CLASP1: variants seen among roughly 807,000 people sequenced by gnomAD.
The protein encoded by CLASP1 is CLIP-associating protein 1.
CLASP1 carries 38 observed loss-of-function variants against 192.3 expected under a neutral mutation model. The observed-to-expected ratio is 0.20, with a 90% CI of 0.15 to 0.26. The LOEUF is 0.26. CLASP1 is among the 10% of genes least tolerant of loss of function. The pLI, the probability that CLASP1 is intolerant of heterozygous loss-of-function variation, is 1.00. For synonymous variants in CLASP1, 691 were observed against 712.8 expected (o/e 0.97, Z 0.49); for missense variants, 1,433 against 1,932.5 (o/e 0.74, Z 4.85).
intron 1 of CLASP1, among the ~76,000 whole-genome samples, chr2:121,622,005 G>A (rs1313643781): frequency 1.3e-5 from 2 of 151,568 alleles, no homozygotes; most frequent in Non-Finnish European, 2.9e-5. Flanking sequence ...GCACCACCAC[G>A]CTCAGCTAAT....
chr2:121,385,676 A>C (rs192200907), intron 32 of CLASP1, among the ~76,000 whole-genome samples: 1 of 152,358 alleles, frequency 6.6e-6, no homozygotes, highest in East Asian at 1.9e-4. Context: ...GAATGCAATA[A>C]CTAAAAGATG....
intron 24 of CLASP1, among the ~76,000 whole-genome samples, chr2:121,410,624 C>A (rs903872733): frequency 7.2e-5 from 11 of 152,130 alleles, no homozygotes; most frequent in Non-Finnish European, 1.5e-5. Flanking sequence ...TACTGAAGAG[C>A]ACAGATAAGA....
intron 2 of CLASP1, among the ~76,000 whole-genome samples, chr2:121,563,020 G>A (rs1423839710): frequency 1.3e-5 from 2 of 152,180 alleles, no homozygotes; most frequent in Non-Finnish European, 2.9e-5. Flanking sequence ...GGCTCCTGGG[G>A]TTGGGGATGG....
chr2:121,408,513 C>T (rs545784348), intron 24 of CLASP1, among the ~76,000 whole-genome samples: 5 of 152,270 alleles, frequency 3.3e-5, no homozygotes, highest in South Asian at 2.1e-4. Context: ...AAACAAATAG[C>T]GATTGGCTTA....
rs550227611 is a variant in CLASP1, at chr2:121,470,095, G to T, written c.713-135C>A. On this transcript the variant is annotated intron_variant, in intron 8 of 39. Coordinates refer to ENST00000263710, the Ensembl canonical transcript of CLASP1. The stretch of plus-strand genomic sequence containing the variant: ...TGCATACTCTTTTGGAATCTGAGGT[G>T]CTCCTCTAGGGTCTGGAAAGCCTTA... 127 of 748,282 alleles carry T rather than the reference G, an allele frequency of 1.7e-4. No individual in the cohort carries two copies. In the Admixed American group the frequency reaches 3.2e-3, roughly 19 times the overall value. The allele number at this position is 748,282 out of a possible 1,614,324, so 46.4% of individuals were successfully genotyped here.
chr2:121,347,032 A>G lies in CLASP1; in HGVS notation c.4530+6T>C. On this transcript the variant is annotated splice_donor_region_variant and intron_variant, in intron 39 of 39. Transcript: ENST00000263710. ...TGCGTATCAGCCCAGGTAACACTAT[A>G]CATACCTTGCTCCCTGTGAGCTGTG... 2 of 1,542,132 alleles carry G rather than the reference A, an allele frequency of 1.3e-6. No homozygotes were observed. Among genetic ancestry groups the G allele is most frequent in the Non-Finnish European group, 1.8e-6 (2 of 1,135,982 alleles).
At chr2:121,484,358 A>G (rs935527083) in intron 8 of CLASP1, among the ~76,000 whole-genome samples, 4 of 152,156 alleles carry the variant, frequency 2.6e-5, no homozygotes, top group South Asian at 4.2e-4. Context: ...CCAACTGCCC[A>G]CATAATAATC....
intron 19 of CLASP1, among the ~76,000 whole-genome samples, chr2:121,436,044 T>C (rs1175894406): frequency 1.3e-5 from 2 of 152,142 alleles, no homozygotes; most frequent in African/African-American, 2.4e-5. Flanking sequence ...TTTTTTTTTT[T>C]TTCTTGAGAC....
chr2:121,528,547 A>C, intron 4 of CLASP1, 130 bp downstream of exon 4: 2 of 704,948 alleles, frequency 2.8e-6, no homozygotes, highest in Admixed American at 2.3e-5. Context: ...ATGCTGTGAA[A>C]ATTTTTATCT....
At chr2:121,437,172 T>C (rs2082447301) in intron 19 of CLASP1, among the ~76,000 whole-genome samples, 1 of 152,000 alleles carries the variant, frequency 6.6e-6, no homozygotes, top group African/African-American at 2.4e-5. Context: ...TCTCACTATA[T>C]TGCCCAGGCT....
chr2:121,527,157 A>G (rs1204769540), intron 5 of CLASP1, among the ~76,000 whole-genome samples: 4 of 152,224 alleles, frequency 2.6e-5, no homozygotes, highest in Non-Finnish European at 5.9e-5. Context: ...AGAGAGATGG[A>G]AACTTATGTT....
chr2:121,450,987 GTGTC>G lies in CLASP1; in HGVS notation c.1446-1_1448del. Reference sequence around the variant, plus strand: ...TTATTGTTTCAGCTAATACTGATATGTGTCTAGATATTTAGAAAAGAAAGCAGTA... The same window carrying G: ...TTATTGTTTCAGCTAATACTGATATGTAGATATTTAGAAAAGAAAGCAGTA... On this transcript the variant is annotated splice_acceptor_variant and coding_sequence_variant, in exon 16 of 40. Coordinates refer to ENST00000263710, the Ensembl canonical transcript of CLASP1. LOFTEE classifies it high-confidence loss of function. The G allele has an allele frequency of 6.3e-7, 1 of 1,575,766 alleles. No homozygotes were observed. Among genetic ancestry groups the G allele is most frequent in the Non-Finnish European group, 8.7e-7 (1 of 1,146,482 alleles).
chr2:121,501,563 G>C (rs2093755647), intron 8 of CLASP1, among the ~76,000 whole-genome samples: 1 of 152,092 alleles, frequency 6.6e-6, no homozygotes, highest in Non-Finnish European at 1.5e-5. Flanking sequence ...GGTAATAGCT[G>C]AATTATGATA....
intron 2 of CLASP1, among the ~76,000 whole-genome samples, chr2:121,587,923 A>T (rs540629481): frequency 6.6e-6 from 1 of 152,192 alleles, no homozygotes; most frequent in South Asian, 2.1e-4. Context: ...CTGTAATCTC[A>T]GCACTTTGGG....
intron 7 of CLASP1, among the ~76,000 whole-genome samples, chr2:121,504,292 A>C (rs185369232): frequency 2.6e-5 from 4 of 152,222 alleles, no homozygotes; most frequent in Admixed American, 2.6e-4. Context: ...GTAAGTGTTG[A>C]GATTCCAAAG....
exon 27 of CLASP1, chr2:121,401,868 T>C: frequency 1.4e-6 from 1 of 735,986 alleles, no homozygotes; most frequent in Non-Finnish European, 2.5e-6. Flanking sequence ...TGGAACTTAC[T>C]CTCTGTTGTG....
At chr2:121,404,514 T>C in intron 25 of CLASP1, 80 bp from the exon 27 acceptor site, 1 of 1,257,534 alleles carries the variant, frequency 8.0e-7, no homozygotes, top group Non-Finnish European at 1.1e-6. Flanking sequence ...TTACCCAGGC[T>C]AGAGTGCAGT....
chr2:121,387,924 G>GATTA lies in CLASP1; in HGVS notation c.3124-22_3124-19dup. On this transcript the variant is annotated intron_variant, in intron 30 of 39. Transcript: ENST00000263710. ...TGTGCTGCCTAGAAAAAGGAACCAT[G>GATTA]ATTAATTTATGTAATGTACAATAGG... is the stretch of plus-strand genomic sequence containing the variant. 6.3e-7 allele frequency: 1 copy of GATTA among 1,588,838 alleles called. No individual in the cohort carries two copies. Among genetic ancestry groups the GATTA allele is most frequent in the Non-Finnish European group, 8.6e-7 (1 of 1,158,486 alleles).
intron 1 of CLASP1, among the ~76,000 whole-genome samples, chr2:121,645,862 T>C (rs1205617935): frequency 6.6e-6 from 1 of 152,066 alleles, no homozygotes; most frequent in Non-Finnish European, 1.5e-5. Context: ...GTGGCAGTAA[T>C]GGTCTGGGCA....
Sources: gnomAD v4.1 joint callset for allele counts (sites outside exome capture counted in the v4.1 genomes callset) on GRCh38, gnomAD v4.1.1 for gene constraint, MANE v1.5 for transcripts, NCBI Gene and HGNC (gene_info 2026-07-23, HGNC 2026-07-21) for gene names.